Variants in CSTPP1 observed in about 807,000 individuals in gnomAD.
CSTPP1 encodes centriolar satellite-associated tubulin polyglutamylase complex regulator 1.
chr11:47,128,655 C>T, the CSTPP1 span, among the ~76,000 whole-genome samples: 21 of 152,166 alleles, frequency 1.4e-4, no homozygotes, highest in Middle Eastern at 3.4e-3. Flanking sequence ...CCCAAAGTGC[C>T]GGGATTACAA....
At chr11:47,017,981 A>G in the CSTPP1 span, among the ~76,000 whole-genome samples, 2 of 152,108 alleles carry the variant, frequency 1.3e-5, no homozygotes, top group Admixed American at 1.3e-4. Flanking sequence ...TACAGTATAT[A>G]ACGTTTTGAG....
the CSTPP1 span, among the ~76,000 whole-genome samples, chr11:47,059,904 G>T: frequency 6.6e-6 from 1 of 152,044 alleles, no homozygotes; most frequent in Non-Finnish European, 1.5e-5. Context: ...AGAAGTTTGC[G>T]ACCAGCCTGG....
the CSTPP1 span, among the ~76,000 whole-genome samples, chr11:47,109,552 G>C: frequency 6.6e-6 from 1 of 152,188 alleles, no homozygotes; most frequent in Non-Finnish European, 1.5e-5. Context: ...CTTCACTGCT[G>C]GTTGCTGCCA....
chr11:46,993,653 A>T, the CSTPP1 span, among the ~76,000 whole-genome samples: 1 of 152,196 alleles, frequency 6.6e-6, no homozygotes, highest in Non-Finnish European at 1.5e-5. Flanking sequence ...TTTTGGTACC[A>T]GTACCATGCT....
chr11:47,086,389 G>A, the CSTPP1 span, among the ~76,000 whole-genome samples: 2 of 152,018 alleles, frequency 1.3e-5, no homozygotes, highest in South Asian at 2.1e-4. Context: ...CTGTGTGATG[G>A]AGTGAGACTC....
At chr11:46,944,185 G>A in the CSTPP1 span, among the ~76,000 whole-genome samples, 2 of 151,610 alleles carry the variant, frequency 1.3e-5, no homozygotes, top group African/African-American at 2.4e-5. Flanking sequence ...GAGCGTGGGG[G>A]TGTGTTCCTA....
chr11:46,976,924 A>T, the CSTPP1 span, among the ~76,000 whole-genome samples: 4 of 152,274 alleles, frequency 2.6e-5, no homozygotes, highest in African/African-American at 9.6e-5. Context: ...TTTTAAGTGG[A>T]CCCAAGCTAT....
chr11:47,018,585 G>A, the CSTPP1 span, among the ~76,000 whole-genome samples: 1 of 152,086 alleles, frequency 6.6e-6, no homozygotes, highest in Non-Finnish European at 1.5e-5. Flanking sequence ...GAGCCACTAC[G>A]CCCAGCCATG....
the CSTPP1 span, among the ~76,000 whole-genome samples, chr11:47,147,789 G>A: frequency 6.6e-6 from 1 of 152,166 alleles, no homozygotes; most frequent in Non-Finnish European, 1.5e-5. Flanking sequence ...TAATTCCTCT[G>A]AATGTCTGCG....
chr11:47,038,715 C>T, the CSTPP1 span, among the ~76,000 whole-genome samples: 2 of 112,064 alleles, frequency 1.8e-5, 1 homozygote. Flanking sequence ...CGAGGTGGCT[C>T]CCGGGCAGAG....
At chr11:47,122,091 A>AAAAAAAAAAAATATATATATAT in the CSTPP1 span, among the ~76,000 whole-genome samples, 1 of 31,832 alleles carries the variant, frequency 3.1e-5, no homozygotes, top group African/African-American at 9.7e-5. Context: ...AAAAAAAAAA[A>AAAAAAAAAAAATATATATATAT]ATATATATAT....
the CSTPP1 span, among the ~76,000 whole-genome samples, chr11:47,020,928 G>A: frequency 5.3e-5 from 8 of 152,142 alleles, no homozygotes; most frequent in Non-Finnish European, 1.5e-5. Flanking sequence ...TCTCTGTTTT[G>A]CAAGTTATTT....
At chr11:47,075,944 A>T in the CSTPP1 span, among the ~76,000 whole-genome samples, 1 of 151,020 alleles carries the variant, frequency 6.6e-6, no homozygotes, top group Non-Finnish European at 1.5e-5. Context: ...AAAAAAAAAA[A>T]AAAAAAAAGA....
chr11:47,029,615 CA>C, the CSTPP1 span, among the ~76,000 whole-genome samples: 543 of 129,226 alleles, frequency 4.2e-3, no homozygotes, highest in East Asian at 3.7e-3. Context: ...GACTCTATCT[CA>C]AAAAAAAAAA....
the CSTPP1 span, among the ~76,000 whole-genome samples, chr11:47,113,537 T>TCAC: frequency 6.6e-6 from 1 of 152,192 alleles, no homozygotes; most frequent in East Asian, 1.9e-4. Flanking sequence ...TTAATGACTG[T>TCAC]CATTCTAACT....
chr11:46,968,503 G>A, the CSTPP1 span, among the ~76,000 whole-genome samples: 1 of 150,150 alleles, frequency 6.7e-6, no homozygotes, highest in South Asian at 2.1e-4. Context: ...AATGATAACT[G>A]GAATTACCCA....
At chr11:47,135,074 G>C in the CSTPP1 span, among the ~76,000 whole-genome samples, 1 of 151,968 alleles carries the variant, frequency 6.6e-6, no homozygotes, top group African/African-American at 2.4e-5. Context: ...CTGCACTCCA[G>C]CCTGGGTAAC....
the CSTPP1 span, among the ~76,000 whole-genome samples, chr11:46,986,895 C>T: frequency 6.6e-6 from 1 of 152,232 alleles, no homozygotes; most frequent in East Asian, 1.9e-4. Context: ...CCAGGTGTAT[C>T]TGCTGAATGG....
chr11:47,137,854 G>C, the CSTPP1 span: 2 of 874,218 alleles, frequency 2.3e-6, no homozygotes, highest in Non-Finnish European at 3.6e-6. Flanking sequence ...TGGGAGAGGG[G>C]TCTATTTGGG....
Sources: allele counts gnomAD v4.1 joint callset (sites outside exome capture counted in the v4.1 genomes callset), GRCh38; gene constraint gnomAD v4.1.1; transcripts MANE v1.5; gene names NCBI Gene and HGNC (gene_info 2026-07-23, HGNC 2026-07-21).